PARD3B: variants seen among roughly 807,000 people sequenced by gnomAD.
PARD3B encodes the protein partitioning defective 3 homolog B.
PARD3B carries 103 observed loss-of-function variants against 130.2 expected under a neutral mutation model. That is an observed-to-expected ratio of 0.79 (90% CI 0.67 to 0.93). The LOEUF (loss-of-function observed/expected upper bound fraction) is 0.93. PARD3B is among the 40% of genes least tolerant of loss of function. PARD3B has a pLI of 0.00. For missense variants in PARD3B, 1,609 were observed against 1,499.2 expected (o/e 1.07, Z -1.21); for synonymous variants, 583 against 553.2 (o/e 1.05, Z -0.76).
chr2:205,153,787 A>C (rs1448523170), intron 10 of PARD3B, among the ~76,000 whole-genome samples: 1 of 152,162 alleles, frequency 6.6e-6, no homozygotes, highest in Admixed American at 6.5e-5. Context: ...CAAAAACAAG[A>C]AATGGGGAAA....
At chr2:204,810,666 T>C (rs1259165086) in intron 2 of PARD3B, among the ~76,000 whole-genome samples, 2 of 152,210 alleles carry the variant, frequency 1.3e-5, no homozygotes, top group East Asian at 3.9e-4. Context: ...GCCTACTTGA[T>C]CTTGGTGGAT....
intron 16 of PARD3B, among the ~76,000 whole-genome samples, chr2:205,257,867 T>G (rs891677231): frequency 9.9e-5 from 15 of 152,168 alleles, no homozygotes; most frequent in African/African-American, 3.6e-4. Flanking sequence ...AATCTTAGTT[T>G]GAGCAAAGAG....
chr2:205,569,537 A>C (rs1359111532), intron 22 of PARD3B, among the ~76,000 whole-genome samples: 1 of 152,180 alleles, frequency 6.6e-6, no homozygotes, highest in Non-Finnish European at 1.5e-5. Context: ...ATATAGTTTC[A>C]AGCAATATCA....
At chr2:204,549,434 TG>T (rs1574441094) in intron 1 of PARD3B, among the ~76,000 whole-genome samples, 2 of 152,160 alleles carry the variant, frequency 1.3e-5, no homozygotes, top group East Asian at 3.8e-4. Context: ...CACAGGTGAA[TG>T]GGTAATTGAG....
At chr2:204,686,047 A>G (rs1458420623) in intron 1 of PARD3B, 134 bp from the exon 2 acceptor site, 22 of 621,612 alleles carry the variant, frequency 3.5e-5, no homozygotes, top group East Asian at 2.8e-5. Context: ...AATAGATAAC[A>G]TTTGTTTTCA....
chr2:204,893,401 A>C (rs756489314), intron 2 of PARD3B, among the ~76,000 whole-genome samples: 1 of 152,202 alleles, frequency 6.6e-6, no homozygotes, highest in Non-Finnish European at 1.5e-5. Flanking sequence ...ATATAGAGTC[A>C]GATGAGGGAT....
chr2:205,559,549 T>C (rs1281779091), intron 22 of PARD3B, among the ~76,000 whole-genome samples: 1 of 151,854 alleles, frequency 6.6e-6, no homozygotes, highest in Non-Finnish European at 1.5e-5. Context: ...TAAGAAATGA[T>C]TTTTCATGAG....
rs563503534 is a variant in PARD3B, at chr2:204,698,549, GT to G, written c.222+12277del. Reference sequence around the variant, plus strand: ...TTTGTTATCCTTGATTGTTGATTGGGTTTTTTTTTTCTGGAAGAAATAATTA... The same window carrying G: ...TTTGTTATCCTTGATTGTTGATTGGGTTTTTTTTTCTGGAAGAAATAATTA... On this transcript the variant is annotated intron_variant, in intron 2 of 22. Coordinates refer to ENST00000406610, the MANE Select transcript of PARD3B (RefSeq NM_001302769.2). Among the ~76,000 whole-genome samples the G allele has an allele frequency of 3.7e-3, 544 of 147,162 alleles. 3 individuals carry two copies. The highest frequency in any genetic ancestry group is 0.012 in the African/African-American group (496 of 40,306).
intron 15 of PARD3B, among the ~76,000 whole-genome samples, chr2:205,213,676 G>A (rs576492479): frequency 6.6e-6 from 1 of 152,230 alleles, no homozygotes; most frequent in South Asian, 2.1e-4. Context: ...AATAGAATGA[G>A]GATAAAGGTA....
intron 1 of PARD3B, among the ~76,000 whole-genome samples, chr2:204,679,116 G>A (rs552969958): frequency 3.3e-5 from 5 of 152,202 alleles, no homozygotes; most frequent in African/African-American, 7.2e-5. Context: ...TCATGTTGTC[G>A]CATAAACTTG....
rs1275240698 is a variant in PARD3B, at chr2:204,675,073, G to T, written c.121-11108G>T. Among the ~76,000 whole-genome samples, 2 of 151,964 alleles carry T rather than the reference G, an allele frequency of 1.3e-5. No homozygotes were observed. The highest frequency in any genetic ancestry group is 2.9e-5 in the Non-Finnish European group (2 of 67,982). On this transcript the variant is annotated intron_variant, in intron 1 of 22. Coordinates refer to ENST00000406610, the MANE Select transcript of PARD3B (RefSeq NM_001302769.2). The surrounding 1 kb of genome is among the most constrained non-coding windows in gnomAD (Gnocchi z 4.4). ...TAGGTGTAGGCTTTGAATTCCTCTG[G>T]ACCACACAAGTTTCTAAAACCTTGG... is the stretch of plus-strand genomic sequence containing the variant.
chr2:204,707,843 A>G (rs2038248155), intron 2 of PARD3B, among the ~76,000 whole-genome samples: 1 of 152,168 alleles, frequency 6.6e-6, no homozygotes, highest in South Asian at 2.1e-4. Context: ...CCATCCTATG[A>G]GTTTCATGTT....
At chr2:204,836,527 G>A (rs2044038166) in intron 2 of PARD3B, among the ~76,000 whole-genome samples, 1 of 152,078 alleles carries the variant, frequency 6.6e-6, no homozygotes, top group African/African-American at 2.4e-5. Flanking sequence ...GCTGGGTGTG[G>A]TGGTTCATGC....
chr2:204,759,519 T>C (rs990327428), intron 2 of PARD3B, among the ~76,000 whole-genome samples: 1 of 152,150 alleles, frequency 6.6e-6, no homozygotes, highest in African/African-American at 2.4e-5. Context: ...TTGGAGATTT[T>C]GTCATATCAG....
chr2:204,702,461 G>A (rs2037938256), intron 2 of PARD3B, among the ~76,000 whole-genome samples: 1 of 152,044 alleles, frequency 6.6e-6, no homozygotes, highest in Non-Finnish European at 1.5e-5. Flanking sequence ...ATTTCATTGT[G>A]GTTTTAATTT....
At chr2:205,252,679 C>T (rs1247540084) in intron 16 of PARD3B, among the ~76,000 whole-genome samples, 1 of 151,874 alleles carries the variant, frequency 6.6e-6, no homozygotes, top group East Asian at 1.9e-4. Flanking sequence ...GACAAGATAC[C>T]AAGTTAAGCC....
chr2:205,465,054 G>T (rs371759723), intron 20 of PARD3B, among the ~76,000 whole-genome samples: 4 of 152,292 alleles, frequency 2.6e-5, no homozygotes, highest in East Asian at 3.9e-4. Flanking sequence ...CTGGTCTAAA[G>T]AAAGGAAGAG....
chr2:204,722,891 T>C (rs2039060950), intron 2 of PARD3B, among the ~76,000 whole-genome samples: 1 of 152,098 alleles, frequency 6.6e-6, no homozygotes, highest in Non-Finnish European at 1.5e-5. Flanking sequence ...TCCCACTCTT[T>C]CCCTCTGCTG....
At chr2:205,012,526 AT>A (rs1695798930) in intron 3 of PARD3B, among the ~76,000 whole-genome samples, 1 of 152,166 alleles carries the variant, frequency 6.6e-6, no homozygotes, top group Admixed American at 6.5e-5. Flanking sequence ...TAGAATGTAG[AT>A]TTATAAGAAA....
Sources: allele counts gnomAD v4.1 joint callset (sites outside exome capture counted in the v4.1 genomes callset), GRCh38; gene constraint gnomAD v4.1.1; non-coding constraint Gnocchi (gnomAD v3.1); transcripts MANE v1.5; gene names NCBI Gene and HGNC (gene_info 2026-07-23, HGNC 2026-07-21).